Variants in PLCD1 observed in about 807,000 individuals in gnomAD.
The protein encoded by PLCD1 is 1-phosphatidylinositol 4,5-bisphosphate phosphodiesterase delta-1.
In PLCD1, 71 loss-of-function variants were observed where a neutral mutation model predicts 87.4. The ratio of observed to expected loss-of-function variants is 0.81; its 90% confidence interval spans 0.67 to 0.99. PLCD1 has a LOEUF of 0.99. PLCD1 is among the 50% of genes least tolerant of loss of function. The probability of loss-of-function intolerance (pLI) is 0.00; values close to 1 mark genes in which losing one functional copy is unlikely to be tolerated. For missense variants in PLCD1, 867 were observed against 1,001.5 expected (o/e 0.87, Z 1.81); for synonymous variants, 348 against 399.2 (o/e 0.87, Z 1.53).
chr3:38,022,585 C>T (rs1054125132), intron 1 of PLCD1, among the ~76,000 whole-genome samples: 1 of 152,214 alleles, frequency 6.6e-6, no homozygotes, highest in African/African-American at 2.4e-5. Context: ...ACATGCTCAT[C>T]CTGTCCTGGA....
At position 38,017,925 on chromosome 3, in the gene PLCD1, C is replaced by T. The variant is rs539223411; in HGVS notation, c.200-1206G>A. 1.1e-3 allele frequency among the ~76,000 whole-genome samples: 174 copies of T among 152,246 alleles called. No homozygotes were observed. The highest frequency in any genetic ancestry group is 2.0e-3 in the Non-Finnish European group (139 of 68,000). ...TGCAGCCCCTGGTGACCCACACGGC[C>T]GCACACAGGGTGCAGCTGCAGCTGC... On this transcript the variant is annotated intron_variant, in intron 2 of 14. Transcript: ENST00000334661. The surrounding 1 kb of genome is among the most constrained non-coding windows in gnomAD (Gnocchi z 4.7).
chr3:38,008,323 A>ATTC lies in PLCD1; in HGVS notation c.1944_1946dup (p.Lys648dup). 6.2e-7 allele frequency: 1 copy of ATTC among 1,614,164 alleles called. No homozygotes were observed. Among genetic ancestry groups the ATTC allele is most frequent in the Non-Finnish European group, 8.5e-7 (1 of 1,180,032 alleles). ...CTGTCACTTTGGGGTCCACAATTGA[A>ATTC]TTCTTATTCTTGTTGACTTTTGGCA... On this transcript the variant is annotated inframe_insertion, in exon 13 of 15. Coordinates refer to ENST00000334661, the MANE Select transcript of PLCD1 (RefSeq NM_006225.4).
In PLCD1 at chr3:38,029,512, G is replaced by T; in HGVS notation, c.28C>A (p.Leu10Met). ...GCGCGGGCCAGGCACTCACCGTGCA[G>T]GGTCAGGAAGTCCCGGCCCGAGTCC... is the stretch of plus-strand genomic sequence containing the variant. MDSGRDFLTLHGLQDDEDLQ... is the reference protein window; with the variant it reads MDSGRDFLTMHGLQDDEDLQ... Residue 10 changes from leucine (L) to methionine (M), a missense_variant, in exon 1 of 15, where the codon CTG becomes ATG. Physicochemically the swap from Leu to Met is conservative, Grantham distance 15. Coordinates refer to ENST00000334661, the MANE Select transcript of PLCD1 (RefSeq NM_006225.4). 1 of 1,539,468 alleles carries T rather than the reference G, an allele frequency of 6.5e-7. No individual in the cohort carries two copies.
Position 38,010,419 on chromosome 3 carries a change from T to G in PLCD1, c.934A>C (p.Asn312His). 6.2e-7 allele frequency: 1 copy of G among 1,614,160 alleles called. No individual in the cohort carries two copies. Residue 312 changes from asparagine (N) to histidine (H), a missense_variant, in exon 6 of 15, where the codon AAC becomes CAC. Asn to His is a moderately conservative substitution (Grantham distance 68). Coordinates refer to ENST00000334661, the MANE Select transcript of PLCD1 (RefSeq NM_006225.4). ...LSHYLVSSSH[N>H]TYLLEDQLAG... ...AGCTGGTCCTCCAGCAGGTAGGTGT[T>G]GTGTGAAGAGGACACCAGGTAGTGG...
intron 3 of PLCD1, chr3:38,014,654 A>C (rs1346038523): frequency 6.5e-6 from 1 of 153,522 alleles, no homozygotes; most frequent in Non-Finnish European, 1.5e-5. Context: ...TCACTGTTTC[A>C]CTTTTCTAGC....
intron 1 of PLCD1, among the ~76,000 whole-genome samples, chr3:38,022,584 T>C (rs935939409): frequency 6.6e-6 from 1 of 152,200 alleles, no homozygotes; most frequent in Non-Finnish European, 1.5e-5. Context: ...GACATGCTCA[T>C]CCTGTCCTGG....
At chr3:38,028,246 G>A (rs2125553162) in intron 1 of PLCD1, among the ~76,000 whole-genome samples, 1 of 152,348 alleles carries the variant, frequency 6.6e-6, no homozygotes, top group East Asian at 1.9e-4. Context: ...CCTCTGGCCT[G>A]AAGAAAGAAG....
chr3:38,014,693 G>T (rs1700129812), intron 3 of PLCD1: 1 of 153,238 alleles, frequency 6.5e-6, no homozygotes, highest in Non-Finnish European at 1.5e-5. Context: ...AAAGAGAAAA[G>T]ACAACCCACA....
chr3:38,016,720 C>T lies in PLCD1; in HGVS notation c.200-1G>A. On this transcript the variant is annotated splice_acceptor_variant, in intron 2 of 14. Coordinates refer to ENST00000334661, the MANE Select transcript of PLCD1 (RefSeq NM_006225.4). LOFTEE classifies it high-confidence loss of function. ...ACCTCCTGAATGTCCTCGATGGAGA[C>T]TGCGAGAGGGGGATGGTGGAGGAGA... 6.5e-7 allele frequency: 1 copy of T among 1,547,808 alleles called. No homozygotes were observed. Among genetic ancestry groups the T allele is most frequent in the Non-Finnish European group, 8.8e-7 (1 of 1,142,280 alleles).
intron 1 of PLCD1, among the ~76,000 whole-genome samples, chr3:38,027,903 TG>T (rs1700325129): frequency 6.6e-6 from 1 of 152,158 alleles, no homozygotes; most frequent in South Asian, 2.1e-4. Context: ...GAAAACAGCT[TG>T]GGGTCACAGT....
intron 3 of PLCD1, among the ~76,000 whole-genome samples, chr3:38,012,166 G>A (rs1043734831): frequency 6.1e-5 from 9 of 146,400 alleles, no homozygotes; most frequent in African/African-American, 2.3e-4. Flanking sequence ...GCACCACCAC[G>A]CCTGGCTTTT....
chr3:38,007,744 CA>C lies in PLCD1; in HGVS notation c.*28del, dbSNP rs766299771. 6.4e-6 allele frequency: 10 copies of C among 1,566,508 alleles called. No homozygotes were observed. Among genetic ancestry groups the C allele is most frequent in the Admixed American group, 1.7e-5 (1 of 59,928 alleles). ...ATGTGGACAGAGGGCCCAGCCCACT[CA>C]GGGGGGACCCCACTGGCTTCCTCCA... On this transcript the variant is annotated 3_prime_UTR_variant, in exon 15 of 15. Coordinates refer to ENST00000334661, the MANE Select transcript of PLCD1 (RefSeq NM_006225.4).
At chr3:38,015,616 T>C (rs938226905) in intron 3 of PLCD1, among the ~76,000 whole-genome samples, 2 of 152,154 alleles carry the variant, frequency 1.3e-5, no homozygotes, top group Non-Finnish European at 2.9e-5. Flanking sequence ...AAAGCTGCCA[T>C]AAAAAATGGA....
Position 38,008,522 on chromosome 3 carries a change from C to T in PLCD1, c.1838G>A (p.Gly613Asp). 6.2e-7 allele frequency: 1 copy of T among 1,614,190 alleles called. No homozygotes were observed. The highest frequency in any genetic ancestry group is 8.5e-7 in the Non-Finnish European group (1 of 1,180,012). Residue 613 changes from glycine (G) to aspartate (D), a missense_variant, in exon 12 of 15, where the codon GGC (glycine) becomes GAC (aspartate). By Grantham distance (94) the Gly-to-Asp change is moderately conservative (BLOSUM62 -1). Transcript: ENST00000334661. ...LKPAFLRDPN[G>D]TFNPRALAQG... The stretch of plus-strand genomic sequence containing the variant: ...AGCCAGGGCGCGGGGGTTAAAGGTG[C>T]CGTTGGGGTCTCGCAGGAAGGCGGG...
intron 3 of PLCD1, among the ~76,000 whole-genome samples, chr3:38,012,394 T>G (rs1700093702): frequency 6.6e-6 from 1 of 152,198 alleles, no homozygotes; most frequent in East Asian, 1.9e-4. Flanking sequence ...CACACGAATC[T>G]CGTGCTTGGC....
Position 38,018,561 on chromosome 3 carries a change from G to A in PLCD1, c.199+1627C>T, listed in dbSNP as rs993000781. Among the ~76,000 whole-genome samples, 1 of 152,124 alleles carries A rather than the reference G, an allele frequency of 6.6e-6. No homozygotes were observed. Among genetic ancestry groups the A allele is most frequent in the Non-Finnish European group, 1.5e-5 (1 of 68,026 alleles). ...TCAAATGTGGTTCCTGCGGGGAAAG[G>A]CCTGGGTCTTCCACTCCTCTATCTC... On this transcript the variant is annotated intron_variant, in intron 2 of 14. Transcript: ENST00000334661. This position sits in a 1 kb window ranked among gnomAD's most constrained non-coding sequence, Gnocchi z 5.7.
intron 2 of PLCD1, 81 bp from the exon 3 acceptor site, chr3:38,016,800 G>T: frequency 1.0e-6 from 1 of 975,686 alleles, no homozygotes; most frequent in Non-Finnish European, 1.6e-6. Context: ...CAAGGCCACA[G>T]TAGAGAGGGG....
At chr3:38,012,899 T>C (rs1373943699) in intron 3 of PLCD1, among the ~76,000 whole-genome samples, 1 of 152,034 alleles carries the variant, frequency 6.6e-6, no homozygotes, top group Non-Finnish European at 1.5e-5. Context: ...TTTTCTGCAA[T>C]TTATTTATTT....
At chr3:38,009,477 G>C (rs1464889136) in intron 9 of PLCD1, 46 bp from the exon 10 acceptor site, 7 of 1,606,238 alleles carry the variant, frequency 4.4e-6, no homozygotes, top group Middle Eastern at 1.7e-4. Context: ...GGTTGGGGTA[G>C]GGTAGGCACT....
Sources: gnomAD v4.1 joint callset for allele counts (sites outside exome capture counted in the v4.1 genomes callset) on GRCh38, gnomAD v4.1.1 for gene constraint, Gnocchi (gnomAD v3.1) non-coding constraint, MANE v1.5 for transcripts, NCBI Gene and HGNC (gene_info 2026-07-23, HGNC 2026-07-21) for gene names.